Variants in TOGARAM1 observed in about 807,000 individuals in gnomAD.
TOGARAM1 encodes TOG array regulator of axonemal microtubules protein 1.
TOGARAM1 carries 100 observed loss-of-function variants against 166.6 expected under a neutral mutation model. That is an observed-to-expected ratio of 0.60 (90% CI 0.51 to 0.71). TOGARAM1 has a LOEUF of 0.71. TOGARAM1 is among the 30% of genes least tolerant of loss of function. The pLI is 0.00. For missense variants in TOGARAM1, 2,029 were observed against 2,102.7 expected, an observed-to-expected ratio of 0.96 and a Z score of 0.69; for synonymous variants, 758 against 763.8, an observed-to-expected ratio of 0.99 and a Z score of 0.13.
In TOGARAM1 at chr14:45,065,887, A is replaced by C. The variant is rs916053367; in HGVS notation, c.4560-691A>C. 7.9e-5 allele frequency among the ~76,000 whole-genome samples: 12 copies of C among 152,338 alleles called. No homozygotes were observed. In the East Asian group the frequency reaches 2.3e-3, roughly 29 times the overall value. ...CGGGCAAGGAAGCTGTTCAGAAAAA[A>C]GTTAACATTGCAGTCCTGAGACTGC... On this transcript the variant is annotated intron_variant, in intron 16 of 19. Transcript: ENST00000361462.
intron 11 of TOGARAM1, among the ~76,000 whole-genome samples, chr14:45,036,172 A>G (rs193162552): frequency 1.3e-5 from 2 of 151,376 alleles, no homozygotes; most frequent in East Asian, 1.9e-4. Flanking sequence ...TAAAAGAAGC[A>G]AAATGTCTGA....
Position 45,017,432 on chromosome 14 carries a change from C to CACACACACAG in TOGARAM1, c.3238+5359_3238+5360insACACACAGAC, listed in dbSNP as rs146798483. Among the ~76,000 whole-genome samples the CACACACACAG allele has an allele frequency of 7.3e-5, 11 of 151,362 alleles. No homozygotes were observed. In the South Asian group the frequency reaches 1.7e-3, roughly 23 times the overall value. The stretch of plus-strand genomic sequence containing the variant: ...ACACACACACACACACACACACACA[C>CACACACACAG]ACGTTTTTAGAAGACATTTTGCCAC... On this transcript the variant is annotated intron_variant, in intron 7 of 19. Coordinates refer to ENST00000361462, the MANE Select transcript of TOGARAM1 (RefSeq NM_001308120.2).
At position 45,044,879 on chromosome 14, in the gene TOGARAM1, C is replaced by T; in HGVS notation, c.4154+9C>T. ...ATCAATGGTGGACAAAGGTAATGTT[C>T]AAAATAACCTTGAAATGTCTTTAAA... is the stretch of plus-strand genomic sequence containing the variant. On this transcript the variant is annotated intron_variant, in intron 13 of 19. Coordinates refer to ENST00000361462, the MANE Select transcript of TOGARAM1 (RefSeq NM_001308120.2). 5 of 1,578,226 alleles carry T rather than the reference C, an allele frequency of 3.2e-6. No homozygotes were observed. Among genetic ancestry groups the T allele is most frequent in the Non-Finnish European group, 4.3e-6 (5 of 1,153,576 alleles).
At chr14:44,976,262 A>G (rs1489413117) in intron 1 of TOGARAM1, among the ~76,000 whole-genome samples, 1 of 152,138 alleles carries the variant, frequency 6.6e-6, no homozygotes, top group Non-Finnish European at 1.5e-5. Context: ...ATCTACATTT[A>G]ACCTATTGAT....
intron 18 of TOGARAM1, 103 bp from the exon 19 acceptor site, chr14:45,071,609 C>A: frequency 1.5e-6 from 1 of 678,880 alleles, no homozygotes; most frequent in Non-Finnish European, 2.4e-6. Context: ...TATACATTTG[C>A]ATCCTAGAAG....
At chr14:45,063,507 C>CAA (rs1882998757) in intron 16 of TOGARAM1, among the ~76,000 whole-genome samples, 1 of 112,668 alleles carries the variant, frequency 8.9e-6, no homozygotes, top group African/African-American at 4.8e-5. Flanking sequence ...TTTTTGGAGA[C>CAA]AGAGTCTCGC....
intron 7 of TOGARAM1, among the ~76,000 whole-genome samples, chr14:45,014,106 C>T (rs567812072): frequency 4.9e-5 from 7 of 143,746 alleles, no homozygotes; most frequent in South Asian, 2.2e-4. Flanking sequence ...AGTGCAGTGG[C>T]GTAATCTCAG....
At position 44,999,488 on chromosome 14, in the gene TOGARAM1, C is replaced by T. The variant is rs990850363; in HGVS notation, c.2329C>T (p.Gln777Ter). Residue 777 changes from glutamine to a stop codon, truncating the protein, a stop_gained, in exon 3 of 20, where the codon CAA becomes TAA. Coordinates refer to ENST00000361462, the MANE Select transcript of TOGARAM1 (RefSeq NM_001308120.2). LOFTEE classifies it high-confidence loss of function. Reference protein sequence around the residue: ...LQFLGTTSSHQEKVYASLNFG... With the variant: ...LQFLGTTSSH ...ATTCCTAGGGACAACTAGCAGTCAT[C>T]AAGAAAAAGGTATAAGTTCCAAATT... 7.5e-6 allele frequency: 12 copies of T among 1,599,366 alleles called. No homozygotes were observed. In the African/African-American group the frequency reaches 1.3e-4, roughly 18 times the overall value.
chr14:45,016,818 A>G (rs1880171693), intron 7 of TOGARAM1, among the ~76,000 whole-genome samples: 2 of 152,242 alleles, frequency 1.3e-5, no homozygotes, highest in African/African-American at 4.8e-5. Context: ...ATAAAACTTC[A>G]AAAAGTACTA....
At position 45,038,428 on chromosome 14, in the gene TOGARAM1, G is replaced by A. The variant is rs112712148; in HGVS notation, c.3813-5258G>A. On this transcript the variant is annotated intron_variant, in intron 11 of 19. Coordinates refer to ENST00000361462, the MANE Select transcript of TOGARAM1 (RefSeq NM_001308120.2). ...GCACAGAGCGGCGAGGGGTGCATGA[G>A]CATGGGGTCCGGCCACTGCACACAG... 1.2e-4 allele frequency among the ~76,000 whole-genome samples: 19 copies of A among 152,320 alleles called. 3 individuals carry two copies. Among genetic ancestry groups the A allele is most frequent in the African/African-American group, 3.8e-4 (16 of 41,580 alleles).
In TOGARAM1 at chr14:44,995,849, T is replaced by G. The variant is rs750760837; in HGVS notation, c.2150T>G (p.Leu717Ter). ...AGCAGAAAAAGAGTATCAAGAAACT[T>G]ATTTCAGAATAGTCGGGATTTTAAC... ...CFSRKRVSRN[L>*]FQNSRDFNPD... Residue 717 changes from leucine to a stop codon, truncating the protein, a stop_gained, in exon 2 of 20, where the codon TTA becomes TGA. Coordinates refer to ENST00000361462, the MANE Select transcript of TOGARAM1 (RefSeq NM_001308120.2). LOFTEE classifies it high-confidence loss of function. 6.2e-7 allele frequency: 1 copy of G among 1,611,040 alleles called. No homozygotes were observed. Among genetic ancestry groups the G allele is most frequent in the Non-Finnish European group, 8.5e-7 (1 of 1,179,024 alleles).
Position 44,974,102 on chromosome 14 carries a change from C to G in TOGARAM1, c.2046+9635C>G, listed in dbSNP as rs541219971. Among the ~76,000 whole-genome samples, 15 of 151,708 alleles carry G rather than the reference C, an allele frequency of 9.9e-5. No individual in the cohort carries two copies. The East Asian group carries it at 2.9e-3, about 29-fold the overall frequency. The stretch of plus-strand genomic sequence containing the variant: ...CAGTAATTATTGCCTCAAATATTTC[C>G]TCTATTCTTTTCTATATTCTCTTCC... On this transcript the variant is annotated intron_variant, in intron 1 of 19. Transcript: ENST00000361462.
At chr14:44,985,494 A>G (rs1181370890) in intron 1 of TOGARAM1, among the ~76,000 whole-genome samples, 4 of 152,214 alleles carry the variant, frequency 2.6e-5, no homozygotes, top group Admixed American at 2.6e-4. Flanking sequence ...TTCCACCTCA[A>G]ATCATCAGAC....
At chr14:44,970,226 C>G (rs1487534751) in intron 1 of TOGARAM1, among the ~76,000 whole-genome samples, 4 of 152,206 alleles carry the variant, frequency 2.6e-5, no homozygotes, top group African/African-American at 7.2e-5. Flanking sequence ...CATTGGAGTT[C>G]TATACTTTCC....
intron 3 of TOGARAM1, among the ~76,000 whole-genome samples, chr14:45,000,230 C>T (rs1020912702): frequency 3.3e-5 from 5 of 152,096 alleles, no homozygotes; most frequent in Non-Finnish European, 7.3e-5. Context: ...AACTCCTGAC[C>T]TCAGGTGATC....
intron 19 of TOGARAM1, 103 bp downstream of exon 19, chr14:45,071,901 C>A: frequency 1.3e-6 from 1 of 754,022 alleles, no homozygotes; most frequent in Admixed American, 2.9e-5. Context: ...AATATAGCTA[C>A]CCACAAAGTA....
chr14:44,987,990 C>T (rs141509029), intron 1 of TOGARAM1, among the ~76,000 whole-genome samples: 1 of 151,708 alleles, frequency 6.6e-6, no homozygotes, highest in African/African-American at 2.4e-5. Context: ...TCATTCTCAG[C>T]AAACTATCGC....
chr14:45,049,261 C>T (rs189315001), intron 14 of TOGARAM1, among the ~76,000 whole-genome samples: 111 of 151,600 alleles, frequency 7.3e-4, no homozygotes, highest in Admixed American at 1.4e-3. Context: ...TCACAGAAAG[C>T]GCTCTGCTTT....
intron 16 of TOGARAM1, among the ~76,000 whole-genome samples, chr14:45,055,720 C>T (rs1400265897): frequency 6.8e-6 from 1 of 146,602 alleles, no homozygotes; most frequent in African/African-American, 2.6e-5. Context: ...AGGAGAATTG[C>T]TTGAATCCAG....
Sources: allele counts gnomAD v4.1 joint callset (sites outside exome capture counted in the v4.1 genomes callset), GRCh38; gene constraint gnomAD v4.1.1; transcripts MANE v1.5; gene names NCBI Gene and HGNC (gene_info 2026-07-23, HGNC 2026-07-21).